Variants in AFG1L observed in about 807,000 individuals in gnomAD.
The protein encoded by AFG1L is AFG1 like ATPase, also known as AFG1-like ATPase.
AFG1L carries 53 observed loss-of-function variants against 62.2 expected under a neutral mutation model. The observed-to-expected ratio is 0.85, with a 90% CI of 0.68 to 1.07. The LOEUF is 1.07. AFG1L is among the 50% of genes least tolerant of loss of function. AFG1L has a pLI of 0.00. For synonymous variants in AFG1L, 228 were observed against 210.3 expected (o/e 1.08, Z -0.73); for missense variants, 555 against 590.5 (o/e 0.94, Z 0.62).
At chr6:108,357,660 A>G (rs111774496) in intron 5 of AFG1L, among the ~76,000 whole-genome samples, 9 of 152,354 alleles carry the variant, frequency 5.9e-5, no homozygotes, top group Non-Finnish European at 1.2e-4. Context: ...GCCTCACAAC[A>G]TATGTATCTG....
At position 108,524,765 on chromosome 6, in the gene AFG1L, G is replaced by A. The variant is rs1381864919; in HGVS notation, c.*2340G>A. On this transcript the variant is annotated 3_prime_UTR_variant, in exon 13 of 13. Coordinates refer to ENST00000368977, the MANE Select transcript of AFG1L (RefSeq NM_145315.5). The stretch of plus-strand genomic sequence containing the variant: ...AGAAGGCTTTGGCTGGATCTCTGGA[G>A]GGGAGGGAGTTCCATGGTGGCTGGA... 1 of 152,180 alleles carries A rather than the reference G, an allele frequency of 6.6e-6. No individual in the cohort carries two copies. The highest frequency in any genetic ancestry group is 2.4e-5 in the African/African-American group (1 of 41,426). 9.4% of individuals were successfully genotyped at this position (152,180 alleles called of 1,614,324 possible).
chr6:108,297,877 AAAG>A (rs59589843), intron 1 of AFG1L, among the ~76,000 whole-genome samples: 12,072 of 148,368 alleles, frequency 0.081, 1,372 homozygotes, highest in African/African-American at 0.26. Context: ...AAAAAAAAAA[AAAG>A]GAAAAGTGAA....
At chr6:108,449,798 G>C (rs1328657193) in intron 8 of AFG1L, among the ~76,000 whole-genome samples, 1 of 151,992 alleles carries the variant, frequency 6.6e-6, no homozygotes, top group Non-Finnish European at 1.5e-5. Context: ...TCCCCTTCCT[G>C]TGTCCATGTG....
At chr6:108,317,659 T>C (rs1408558345) in intron 1 of AFG1L, among the ~76,000 whole-genome samples, 1 of 152,206 alleles carries the variant, frequency 6.6e-6, no homozygotes, top group East Asian at 1.9e-4. Flanking sequence ...ATTTTATTCT[T>C]GTAGGCTTTC....
At chr6:108,427,619 T>C (rs1436125481) in intron 7 of AFG1L, among the ~76,000 whole-genome samples, 1 of 147,886 alleles carries the variant, frequency 6.8e-6, no homozygotes, top group Non-Finnish European at 1.5e-5. Context: ...CCTCCCGGAC[T>C]CAAGCAATTC....
At chr6:108,431,183 A>G (rs1483357284) in intron 7 of AFG1L, among the ~76,000 whole-genome samples, 1 of 151,850 alleles carries the variant, frequency 6.6e-6, no homozygotes, top group Non-Finnish European at 1.5e-5. Flanking sequence ...GGCTCACTGC[A>G]ACCTCCGCCT....
At chr6:108,432,175 G>A (rs1007799448) in intron 7 of AFG1L, among the ~76,000 whole-genome samples, 6 of 151,984 alleles carry the variant, frequency 3.9e-5, no homozygotes, top group African/African-American at 1.5e-4. Flanking sequence ...AGATAAAAAT[G>A]TCACCTTATT....
chr6:108,424,001 T>A (rs529160776), intron 7 of AFG1L, among the ~76,000 whole-genome samples: 1 of 152,254 alleles, frequency 6.6e-6, no homozygotes, highest in African/African-American at 2.4e-5. Context: ...AGTAGAAGAA[T>A]GTGGAATATA....
intron 7 of AFG1L, among the ~76,000 whole-genome samples, chr6:108,431,904 A>C (rs75742804): frequency 5.3e-5 from 8 of 151,232 alleles, no homozygotes; most frequent in Admixed American, 2.6e-4. Flanking sequence ...CTTTCTTTTT[A>C]TAATTAGAGT....
chr6:108,470,884 C>T (rs1470077316), intron 8 of AFG1L, among the ~76,000 whole-genome samples: 1 of 152,182 alleles, frequency 6.6e-6, no homozygotes, highest in African/African-American at 2.4e-5. Context: ...TCGACAGGAA[C>T]ATGAACAAGA....
intron 7 of AFG1L, among the ~76,000 whole-genome samples, chr6:108,428,736 A>G (rs1008862393): frequency 1.3e-5 from 2 of 152,032 alleles, no homozygotes; most frequent in Admixed American, 6.6e-5. Context: ...TTTGTTGTCC[A>G]TTTGTATATC....
rs757924406 is a variant in AFG1L, at chr6:108,399,769, C to CTTT, written c.749-2202_749-2200dup. ...TGGGGTGGGGTGTGGAAGTATCTCT[C>CTTT]TTTTTTTTTTTTTTTTTTTTTTTTT... On this transcript the variant is annotated intron_variant, in intron 6 of 12. Transcript: ENST00000368977. Among the ~76,000 whole-genome samples the CTTT allele has an allele frequency of 4.2e-4, 18 of 42,688 alleles. 3 individuals are homozygous for CTTT. Among genetic ancestry groups the CTTT allele is most frequent in the Non-Finnish European group, 5.8e-4 (13 of 22,398 alleles). 28.0% of individuals were successfully genotyped at this position (42,688 alleles called of 152,430 possible). A position where few individuals can be genotyped will look rare whatever the true frequency, so the allele number is the denominator to read the frequency against.
chr6:108,452,308 T>C (rs1772089255), intron 8 of AFG1L, among the ~76,000 whole-genome samples: 1 of 152,198 alleles, frequency 6.6e-6, no homozygotes, highest in South Asian at 2.1e-4. Flanking sequence ...ATCCATGATA[T>C]GCTTCCCCAG....
chr6:108,332,122 C>G (rs757739517), intron 2 of AFG1L, among the ~76,000 whole-genome samples: 2 of 152,168 alleles, frequency 1.3e-5, no homozygotes, highest in Non-Finnish European at 2.9e-5. Flanking sequence ...TAACTGTATT[C>G]CAATAAATCT....
At chr6:108,439,232 T>C (rs1771438777) in intron 7 of AFG1L, among the ~76,000 whole-genome samples, 1 of 152,220 alleles carries the variant, frequency 6.6e-6, no homozygotes, top group South Asian at 2.1e-4. Context: ...AACAAATATC[T>C]GATTACTACC....
intron 7 of AFG1L, among the ~76,000 whole-genome samples, chr6:108,410,519 T>C (rs1782051908): frequency 6.6e-6 from 1 of 152,034 alleles, no homozygotes; most frequent in Non-Finnish European, 1.5e-5. Context: ...TCAGCTAGGC[T>C]GTCATGTACC....
intron 6 of AFG1L, among the ~76,000 whole-genome samples, chr6:108,366,996 A>G (rs1338709841): frequency 4.6e-5 from 7 of 152,166 alleles, no homozygotes; most frequent in Admixed American, 3.9e-4. Context: ...GTCTTTGCTC[A>G]GAAGTTACAT....
intron 3 of AFG1L, among the ~76,000 whole-genome samples, chr6:108,348,294 G>GGT (rs1778947911): frequency 6.6e-6 from 1 of 152,168 alleles, no homozygotes. Flanking sequence ...TAGCCAGGAT[G>GGT]GCCTCGATCT....
Position 108,399,769 on chromosome 6 carries a change from CTTT to C in AFG1L, c.749-2202_749-2200del, listed in dbSNP as rs757924406. ...TGGGGTGGGGTGTGGAAGTATCTCT[CTTT>C]TTTTTTTTTTTTTTTTTTTTTTTTG... On this transcript the variant is annotated intron_variant, in intron 6 of 12. Transcript: ENST00000368977. 2.1e-4 allele frequency among the ~76,000 whole-genome samples: 9 copies of C among 42,684 alleles called. No homozygotes were observed. The East Asian group carries it at 4.7e-3, about 22-fold the overall frequency. The allele number at this position is 42,684 out of a possible 152,430, so 28.0% of individuals were successfully genotyped here.
Sources: allele counts gnomAD v4.1 joint callset (sites outside exome capture counted in the v4.1 genomes callset), GRCh38; gene constraint gnomAD v4.1.1; transcripts MANE v1.5; gene names NCBI Gene and HGNC (gene_info 2026-07-23, HGNC 2026-07-21).